The following IGLL5 variants were observed in gnomAD, a reference collection of about 807,000 sequenced individuals.
IGLL5 encodes immunoglobulin lambda-like polypeptide 5.
Under a neutral mutation model 20.9 loss-of-function variants are expected in IGLL5, and 30 were observed. The observed-to-expected ratio is 1.44, with a 90% CI of 1.07 to 1.95. The LOEUF (loss-of-function observed/expected upper bound fraction) is 1.95, where lower values mean the gene tolerates loss of function less well. Ranked by LOEUF, IGLL5 falls within the 30% of genes most tolerant of loss-of-function variation. IGLL5 has a pLI of 0.00. For missense variants in IGLL5, 475 were observed against 270.7 expected, an observed-to-expected ratio of 1.75 and a Z score of -5.30; for synonymous variants, 203 against 117.3, an observed-to-expected ratio of 1.73 and a Z score of -4.72.
At chr22:22,889,754 A>G (rs2067750007) in intron 1 of IGLL5, among the ~76,000 whole-genome samples, 1 of 151,270 alleles carries the variant, frequency 6.6e-6, no homozygotes, top group African/African-American at 2.4e-5. Flanking sequence ...CACCTGGCTA[A>G]TTTTGATTAG....
chr22:22,894,165 G>A (rs566424763), intron 2 of IGLL5, among the ~76,000 whole-genome samples: 1 of 151,516 alleles, frequency 6.6e-6, no homozygotes, highest in Admixed American at 6.6e-5. Context: ...GACTCCTGGG[G>A]TCAAGGACAG....
chr22:22,889,891 T>C (rs1601610321), intron 1 of IGLL5, among the ~76,000 whole-genome samples: 1 of 151,442 alleles, frequency 6.6e-6, no homozygotes, highest in East Asian at 2.0e-4. Flanking sequence ...CCACTGCACC[T>C]GACCCAACTG....
chr22:22,889,371 A>T (rs1601607782), intron 1 of IGLL5, among the ~76,000 whole-genome samples: 2 of 151,102 alleles, frequency 1.3e-5, no homozygotes, highest in African/African-American at 4.9e-5. Context: ...CATTTTAGCA[A>T]CAGGCGGCGA....
At chr22:22,895,306 A>G in intron 2 of IGLL5, 69 bp from the exon 3 acceptor site, 1 of 1,425,558 alleles carries the variant, frequency 7.0e-7, no homozygotes, top group Non-Finnish European at 9.8e-7. Flanking sequence ...GACTTTAGAC[A>G]GAGAGAGGGG....
intron 2 of IGLL5, among the ~76,000 whole-genome samples, chr22:22,894,242 T>A (rs567473653): frequency 2.7e-5 from 4 of 150,818 alleles, no homozygotes; most frequent in Non-Finnish European, 4.4e-5. Context: ...CAAGAACAGC[T>A]GAGGGTCTAG....
intron 1 of IGLL5, among the ~76,000 whole-genome samples, chr22:22,888,933 C>T (rs574390582): frequency 6.6e-6 from 1 of 151,248 alleles, no homozygotes; most frequent in East Asian, 2.0e-4. Flanking sequence ...TGATGGGTGC[C>T]CCCAAAAGAC....
At chr22:22,894,697 T>G (rs2066684020) in intron 2 of IGLL5, among the ~76,000 whole-genome samples, 2 of 151,348 alleles carry the variant, frequency 1.3e-5, no homozygotes, top group South Asian at 2.1e-4. Context: ...CTGCTGAGTC[T>G]CATAGTCTGT....
chr22:22,888,638 T>G (rs539016636), intron 1 of IGLL5, among the ~76,000 whole-genome samples: 2 of 151,188 alleles, frequency 1.3e-5, no homozygotes, highest in South Asian at 2.1e-4. Context: ...CTCCCCCTCC[T>G]CCTCTCTGCC....
intron 1 of IGLL5, among the ~76,000 whole-genome samples, chr22:22,888,657 T>A (rs1177895009): frequency 6.6e-6 from 1 of 151,202 alleles, no homozygotes; most frequent in African/African-American, 2.4e-5. Context: ...CCCATGTGCC[T>A]CCTGCCCAGT....
chr22:22,888,886 C>G (rs540000424), intron 1 of IGLL5, among the ~76,000 whole-genome samples: 1 of 151,316 alleles, frequency 6.6e-6, no homozygotes, highest in African/African-American at 2.4e-5. Flanking sequence ...TGGGATGATG[C>G]CCAGGCTGGT....
chr22:22,892,886 G>A lies in IGLL5; in HGVS notation c.207-814G>A, dbSNP rs148302121. ...AAAGGGAAGCCAAGGAGGAGGAGAG[G>A]GGGCAGTCTCAGACACCAAGGAGGG... On this transcript the variant is annotated intron_variant, in intron 1 of 2. Coordinates refer to ENST00000526893, the MANE Select transcript of IGLL5 (RefSeq NM_001178126.2). Among the ~76,000 whole-genome samples the A allele has an allele frequency of 4.5e-4, 68 of 151,010 alleles. 1 individual carries two copies. Among genetic ancestry groups the A allele is most frequent in the Middle Eastern group, 3.7e-3 (1 of 268 alleles).
At chr22:22,890,553 T>TTGTGTGTGTGTGTG (rs3029157) in intron 1 of IGLL5, among the ~76,000 whole-genome samples, 3 of 120,930 alleles carry the variant, frequency 2.5e-5, no homozygotes, top group Admixed American at 9.1e-5. Flanking sequence ...CAGTGGAAAT[T>TTGTGTGTGTGTGTG]TGTGTGTGTG....
At chr22:22,894,172 A>G (rs1601624200) in intron 2 of IGLL5, among the ~76,000 whole-genome samples, 11 of 151,414 alleles carry the variant, frequency 7.3e-5, no homozygotes, top group South Asian at 4.2e-4. Flanking sequence ...GGGGTCAAGG[A>G]CAGAGGCTGC....
rs2067551117 is a variant in IGLL5, at chr22:22,887,842, T to G, written c.-212T>G. 1.6e-6 allele frequency: 1 copy of G among 606,880 alleles called. No homozygotes were observed. The highest frequency in any genetic ancestry group is 1.9e-5 in the African/African-American group (1 of 53,776). The allele number at this position is 606,880 out of a possible 1,614,324, so 37.6% of individuals were successfully genotyped here. A position where few individuals can be genotyped will look rare whatever the true frequency, so the allele number is the denominator to read the frequency against. On this transcript the variant is annotated 5_prime_UTR_variant, in exon 1 of 3. The change abolishes an upstream ATG in the 5' untranslated region. Coordinates refer to ENST00000526893, the MANE Select transcript of IGLL5 (RefSeq NM_001178126.2). ...TGACCGCTTCAGGGCAGTTGGTAGA[T>G]GCCCCTCTGGGAGAGATCCCCAGGG...
At position 22,888,063 on chromosome 22, in the gene IGLL5, A is replaced by G. The variant is rs771808845; in HGVS notation, c.10A>G (p.Lys4Glu). The change falls in exon 1 of 3, where the codon AAG (lysine) becomes GAG (glutamate). Residue 4 changes from lysine (K) to glutamate (E), a missense_variant. Physicochemically the swap from Lys to Glu is moderately conservative, Grantham distance 56 (BLOSUM62 1). Transcript: ENST00000526893. Reference sequence around the variant, plus strand: ...CTGAACCTGAAGGCCAATGAGACCCAAGACAGGCCAAGTGGGTTGTGAGAC... The same window carrying G: ...CTGAACCTGAAGGCCAATGAGACCCGAGACAGGCCAAGTGGGTTGTGAGAC... MRPKTGQVGCETPE... is the reference protein window; with the variant it reads MRPETGQVGCETPE... 1.3e-6 allele frequency: 2 copies of G among 1,549,150 alleles called. No homozygotes were observed. The highest frequency in any genetic ancestry group is 8.7e-7 in the Non-Finnish European group (1 of 1,146,488).
chr22:22,889,483 T>G, intron 1 of IGLL5, among the ~76,000 whole-genome samples: 1 of 151,316 alleles, frequency 6.6e-6, no homozygotes, highest in East Asian at 2.0e-4. Flanking sequence ...ACCAAATCTT[T>G]ATAACAAGGG....
intron 1 of IGLL5, among the ~76,000 whole-genome samples, chr22:22,888,498 T>A (rs560881117): frequency 2.6e-5 from 4 of 151,410 alleles, no homozygotes; most frequent in East Asian, 2.0e-4. Context: ...TGGCGCCACT[T>A]AAATTTTCAC....
At chr22:22,889,689 A>C (rs2067745088) in intron 1 of IGLL5, among the ~76,000 whole-genome samples, 1 of 151,330 alleles carries the variant, frequency 6.6e-6, no homozygotes, top group African/African-American at 2.4e-5. Context: ...CAGGGCTCAA[A>C]AGATCCTCCA....
rs760680162 is a variant in IGLL5 at position 22,888,240 on chromosome 22, C to T, written c.187C>T (p.Leu63=). 4.5e-6 allele frequency: 7 copies of T among 1,547,872 alleles called. 1 individual carries two copies. Among genetic ancestry groups the T allele is most frequent in the Middle Eastern group, 3.9e-4 (2 of 5,114 alleles). Residue 63 remains leucine (L), a synonymous_variant, in exon 1 of 3, where the codon CTG becomes TTG. Transcript: ENST00000526893. ...CTCAGTTGGAAGCAGCCGATCCAGC[C>T]TGCGGAGCCTGTGGGGCAGGTAAGG... is the stretch of plus-strand genomic sequence containing the variant. ...GASVGSSRSS[L]RSLWGRLLLQ... is the part of the protein sequence containing the mutation.
Sources: gnomAD v4.1 joint callset for allele counts (sites outside exome capture counted in the v4.1 genomes callset) on GRCh38, gnomAD v4.1.1 for gene constraint, MANE v1.5 for transcripts, NCBI Gene and HGNC (gene_info 2026-07-23, HGNC 2026-07-21) for gene names.